Variants in NUP210L observed in about 807,000 individuals in gnomAD.
NUP210L encodes the protein nucleoporin 210 like.
Under a neutral mutation model 208.5 loss-of-function variants are expected in NUP210L, and 74 were observed. The observed-to-expected ratio is 0.35, with a 90% confidence interval of 0.29 to 0.43. NUP210L has a LOEUF of 0.43. Ranked by LOEUF, NUP210L falls within the 20% of genes least tolerant of loss-of-function variation. The pLI, the probability that NUP210L is intolerant of heterozygous loss-of-function variation, is 1.00. For missense variants in NUP210L, 1,843 were observed against 2,289.4 expected (o/e 0.81, Z 3.98); for synonymous variants, 780 against 816.9 (o/e 0.95, Z 0.77).
At chr1:154,087,320 CAAAA>C (rs1185085313) in intron 16 of NUP210L, among the ~76,000 whole-genome samples, 1 of 59,722 alleles carries the variant, frequency 1.7e-5, no homozygotes. Context: ...AGCTCCATCT[CAAAA>C]AAAAAAAAAA....
rs183317908 is a variant in NUP210L at position 154,092,114 on chromosome 1, C to T, written c.2188-2520G>A. 1.8e-4 allele frequency among the ~76,000 whole-genome samples: 24 copies of T among 134,248 alleles called. No homozygotes were observed. The East Asian group carries it at 4.4e-3, about 25-fold the overall frequency. 88.1% of individuals were successfully genotyped at this position (134,248 alleles called of 152,430 possible). ...TTTTTGAGACGGAGTCTCGCTCTGT[C>T]GCCCAGGCTGGAGTGCAGTGGCATG... On this transcript the variant is annotated intron_variant, in intron 15 of 39. Coordinates refer to ENST00000368559, the Ensembl canonical transcript of NUP210L.
intron 38 of NUP210L, among the ~76,000 whole-genome samples, chr1:153,993,676 G>A (rs1649631309): frequency 6.6e-6 from 1 of 151,988 alleles, no homozygotes; most frequent in Admixed American, 6.6e-5. Context: ...ACTTTGGGAG[G>A]CCTAGGTGGG....
intron 16 of NUP210L, among the ~76,000 whole-genome samples, chr1:154,087,549 C>T (rs1655690218): frequency 6.6e-6 from 1 of 152,066 alleles, no homozygotes. Flanking sequence ...AAAGGCTAAG[C>T]ATGGAATTAA....
intron 16 of NUP210L, among the ~76,000 whole-genome samples, chr1:154,076,611 A>G (rs1324849231): frequency 6.6e-6 from 1 of 152,186 alleles, no homozygotes; most frequent in Non-Finnish European, 1.5e-5. Context: ...AGCAGATTTG[A>G]ACAGGCTGAA....
intron 27 of NUP210L, among the ~76,000 whole-genome samples, chr1:154,037,000 CA>C (rs1475209786): frequency 1.3e-5 from 2 of 150,962 alleles, no homozygotes; most frequent in East Asian, 3.9e-4. Context: ...TGAGCTCAAA[CA>C]ATCTGCCCAC....
chr1:153,996,096 T>C (rs544027676), intron 37 of NUP210L: 122 of 297,954 alleles, frequency 4.1e-4, no homozygotes, highest in South Asian at 3.9e-3. Flanking sequence ...ATCAAGACCA[T>C]CCTGGCTAAC....
rs780308639 is a variant in NUP210L, at chr1:154,012,332, A to G, written c.4692T>C (p.Tyr1564=). The change falls in exon 34 of 40, where the codon TAT becomes TAC. Residue 1564 remains tyrosine, a synonymous_variant. Coordinates refer to ENST00000368559, the Ensembl canonical transcript of NUP210L. ...TATTGGTGAGATAAGTCTTGAGGTC[A>G]TAACTGAGCATTAATCTTGATGATG... The G allele has an allele frequency of 2.2e-5, 35 of 1,613,696 alleles. 1 individual carries two copies. The South Asian group carries it at 3.8e-4, about 18-fold the overall frequency.
chr1:154,015,906 CAATAAATAAATAAATAAATAAATA>C (rs71584164), intron 33 of NUP210L, among the ~76,000 whole-genome samples: 5 of 133,950 alleles, frequency 3.7e-5, no homozygotes, highest in African/African-American at 8.4e-5. Context: ...GACCCTGTCT[CAATAAATAAATAAATAAATAAATA>C]AATAAATAAA....
At chr1:154,060,984 T>C in exon 19 of NUP210L, 3 of 1,613,844 alleles carry the variant, frequency 1.9e-6, no homozygotes, top group Non-Finnish European at 2.5e-6. Flanking sequence ...TCTCAGGCAC[T>C]ACAGTTACAT....
intron 24 of NUP210L, 61 bp from the exon 25 acceptor site, chr1:154,054,468 CCAA>C (rs1653699066): frequency 6.5e-7 from 1 of 1,544,000 alleles, no homozygotes; most frequent in Non-Finnish European, 8.9e-7. Context: ...GTCTCTTTTC[CCAA>C]CATTTTGTCC....
chr1:154,027,388 A>G (rs1651952903), intron 29 of NUP210L, 118 bp downstream of exon 29: 1 of 687,572 alleles, frequency 1.5e-6, no homozygotes, highest in African/African-American at 1.8e-5. Context: ...TTCACCTCAC[A>G]CAAAAAATTA....
intron 16 of NUP210L, among the ~76,000 whole-genome samples, chr1:154,082,144 A>C (rs904865034): frequency 1.4e-4 from 21 of 152,226 alleles, no homozygotes; most frequent in African/African-American, 4.8e-4. Context: ...AAAGGACACA[A>C]AATGATTTGT....
intron 3 of NUP210L, among the ~76,000 whole-genome samples, chr1:154,142,647 T>C (rs549051939): frequency 2.0e-5 from 3 of 151,908 alleles, no homozygotes; most frequent in Non-Finnish European, 4.4e-5. Flanking sequence ...TCCCAACACT[T>C]TGGGAGGCCG....
At chr1:154,076,009 G>A (rs1450451459) in intron 16 of NUP210L, among the ~76,000 whole-genome samples, 5 of 151,406 alleles carry the variant, frequency 3.3e-5, no homozygotes, top group Non-Finnish European at 5.9e-5. Context: ...GGCTGGTCTC[G>A]AATTCCTGGA....
chr1:154,106,596 C>G (rs1440928626), intron 12 of NUP210L, among the ~76,000 whole-genome samples: 4 of 152,238 alleles, frequency 2.6e-5, no homozygotes, highest in Non-Finnish European at 5.9e-5. Context: ...CAGTGCAGTC[C>G]TAGTGGTGGT....
chr1:154,012,297 G>A, exon 34 of NUP210L: 1 of 1,612,858 alleles, frequency 6.2e-7, no homozygotes, highest in Non-Finnish European at 8.5e-7. Context: ...GAATACAGTT[G>A]AATTGAGGGT....
chr1:154,124,569 T>TA (rs1434141031), intron 10 of NUP210L, among the ~76,000 whole-genome samples: 17 of 151,808 alleles, frequency 1.1e-4, no homozygotes, highest in Admixed American at 7.2e-4. Flanking sequence ...TTTACAACAG[T>TA]AAAAAAAATG....
intron 38 of NUP210L, among the ~76,000 whole-genome samples, chr1:153,993,604 AGTGTT>A (rs1649619102): frequency 1.4e-5 from 2 of 146,918 alleles, no homozygotes; most frequent in African/African-American, 2.5e-5. Context: ...AGTAGACAAT[AGTGTT>A]GTGTTAATTT....
At chr1:154,014,380 ACT>A (rs890660502) in intron 33 of NUP210L, among the ~76,000 whole-genome samples, 5 of 151,960 alleles carry the variant, frequency 3.3e-5, no homozygotes, top group Non-Finnish European at 7.4e-5. Flanking sequence ...CTTCTATGAC[ACT>A]GTTTCTCTTT....
Sources: allele counts gnomAD v4.1 joint callset (sites outside exome capture counted in the v4.1 genomes callset), GRCh38; gene constraint gnomAD v4.1.1; transcripts MANE v1.5; gene names NCBI Gene and HGNC (gene_info 2026-07-23, HGNC 2026-07-21).